Variants in NOS1AP observed in about 807,000 individuals in gnomAD.
NOS1AP encodes carboxyl-terminal PDZ ligand of neuronal nitric oxide synthase protein.
In NOS1AP, 21 loss-of-function variants were observed where a neutral mutation model predicts 56.2. The ratio of observed to expected loss-of-function variants is 0.37; its 90% CI spans 0.26 to 0.54. The LOEUF (loss-of-function observed/expected upper bound fraction) is 0.54, where lower values mean the gene tolerates loss of function less well. Ranked by LOEUF, NOS1AP falls within the 20% of genes least tolerant of loss-of-function variation. NOS1AP has a pLI of 0.84. For missense variants in NOS1AP, 522 were observed against 657.8 expected (o/e 0.79, Z 2.26); for synonymous variants, 270 against 274.6 (o/e 0.98, Z 0.17).
At chr1:162,118,289 G>A (rs917880121) in intron 1 of NOS1AP, among the ~76,000 whole-genome samples, 3 of 152,096 alleles carry the variant, frequency 2.0e-5, no homozygotes, top group Non-Finnish European at 2.9e-5. Flanking sequence ...AGTGTCTGTC[G>A]TTCCCATATG....
At chr1:162,366,963 G>A (rs547666215) in intron 9 of NOS1AP, 89 bp from the exon 10 acceptor site, 30 of 1,497,070 alleles carry the variant, frequency 2.0e-5, no homozygotes, top group Non-Finnish European at 2.7e-5. Flanking sequence ...GAAGGGCTTT[G>A]GCAGGGCACG....
chr1:162,282,404 G>A (rs763668566), intron 2 of NOS1AP, among the ~76,000 whole-genome samples: 1 of 152,196 alleles, frequency 6.6e-6, no homozygotes, highest in Non-Finnish European at 1.5e-5. Flanking sequence ...TTTTAAGGCT[G>A]AATAATATTA....
At chr1:162,288,549 G>A (rs1017336431) in intron 3 of NOS1AP, among the ~76,000 whole-genome samples, 1 of 152,140 alleles carries the variant, frequency 6.6e-6, no homozygotes, top group Non-Finnish European at 1.5e-5. Flanking sequence ...TATAATGTCC[G>A]TACAAGGGGC....
In NOS1AP at chr1:162,369,139, A is replaced by G. The variant is rs564355186; in HGVS notation, c.*1672A>G. 4 of 152,344 alleles carry G rather than the reference A, an allele frequency of 2.6e-5. No homozygotes were observed. The highest frequency in any genetic ancestry group is 2.1e-4 in the South Asian group (1 of 4,830). 9.4% of individuals were successfully genotyped at this position (152,344 alleles called of 1,614,324 possible). On this transcript the variant is annotated 3_prime_UTR_variant, in exon 10 of 10. Transcript: ENST00000361897. ...TACATGTGTGAGGGAAAGTGTGTACATATATGTAGGATTGTAACCAGACGG... is the reference window on the plus strand; with the variant it reads ...TACATGTGTGAGGGAAAGTGTGTACGTATATGTAGGATTGTAACCAGACGG...
At chr1:162,085,115 T>C (rs1232054797) in intron 1 of NOS1AP, among the ~76,000 whole-genome samples, 1 of 152,100 alleles carries the variant, frequency 6.6e-6, no homozygotes, top group East Asian at 1.9e-4. Flanking sequence ...TATTGGTGTT[T>C]CCAGGTCTCC....
chr1:162,240,006 TC>T (rs1653434321), intron 2 of NOS1AP, among the ~76,000 whole-genome samples: 1 of 152,194 alleles, frequency 6.6e-6, no homozygotes, highest in African/African-American at 2.4e-5. Flanking sequence ...CCTCCAGGCT[TC>T]CCAGTGCCTG....
At chr1:162,144,375 T>G (rs1342681978) in intron 1 of NOS1AP, among the ~76,000 whole-genome samples, 1 of 152,234 alleles carries the variant, frequency 6.6e-6, no homozygotes, top group East Asian at 1.9e-4. Context: ...TGATTTTCCC[T>G]TCTATAAAGT....
At chr1:162,093,498 A>G (rs1692176508) in intron 1 of NOS1AP, among the ~76,000 whole-genome samples, 1 of 152,144 alleles carries the variant, frequency 6.6e-6, no homozygotes, top group East Asian at 1.9e-4. Flanking sequence ...TGTGTTAGAT[A>G]TTTTGTCTCT....
At chr1:162,081,149 A>T (rs978292350) in intron 1 of NOS1AP, among the ~76,000 whole-genome samples, 1 of 152,158 alleles carries the variant, frequency 6.6e-6, no homozygotes, top group African/African-American at 2.4e-5. Flanking sequence ...AACTAATTTA[A>T]TCTTTACAGT....
At chr1:162,353,545 A>G (rs1157304718) in intron 6 of NOS1AP, among the ~76,000 whole-genome samples, 1 of 152,212 alleles carries the variant, frequency 6.6e-6, no homozygotes, top group African/African-American at 2.4e-5. Flanking sequence ...CTGTCACTAC[A>G]TTACTTACTT....
chr1:162,258,244 C>T (rs1223350712), intron 2 of NOS1AP, among the ~76,000 whole-genome samples: 1 of 152,182 alleles, frequency 6.6e-6, no homozygotes, highest in Non-Finnish European at 1.5e-5. Context: ...AATTATTGGA[C>T]ATCCATCTTT....
intron 2 of NOS1AP, among the ~76,000 whole-genome samples, chr1:162,171,097 G>A (rs1294748196): frequency 3.9e-5 from 6 of 152,322 alleles, no homozygotes; most frequent in South Asian, 2.1e-4. Context: ...CACAGGGGCT[G>A]TTGGTCACTG....
chr1:162,080,031 T>G (rs1377908064), intron 1 of NOS1AP, among the ~76,000 whole-genome samples: 1 of 152,196 alleles, frequency 6.6e-6, no homozygotes, highest in East Asian at 1.9e-4. Flanking sequence ...CACAGAATCT[T>G]AAGTACGGTA....
chr1:162,135,938 G>A lies in NOS1AP; in HGVS notation c.106-18467G>A, dbSNP rs79434488. Among the ~76,000 whole-genome samples, 597 of 152,300 alleles carry A rather than the reference G, an allele frequency of 3.9e-3. 4 individuals carry two copies. The highest frequency in any genetic ancestry group is 0.013 in the African/African-American group (560 of 41,568). On this transcript the variant is annotated intron_variant, in intron 1 of 9. Transcript: ENST00000361897. ...ATTTTTTATTGACTTTCCTGTGTAT[G>A]TACAACTGTTGTCTAGTGTTGTAGA...
intron 2 of NOS1AP, among the ~76,000 whole-genome samples, chr1:162,206,364 G>C (rs910419178): frequency 3.3e-5 from 5 of 152,186 alleles, no homozygotes; most frequent in African/African-American, 1.2e-4. Context: ...CTATAATCTA[G>C]TTCAGGAGTT....
intron 1 of NOS1AP, among the ~76,000 whole-genome samples, chr1:162,079,126 C>A (rs1483674862): frequency 6.6e-6 from 1 of 152,204 alleles, no homozygotes; most frequent in Non-Finnish European, 1.5e-5. Context: ...CTAGTAACTT[C>A]CGGTTCCCAG....
At chr1:162,255,225 G>C (rs1192613234) in intron 2 of NOS1AP, among the ~76,000 whole-genome samples, 1 of 152,138 alleles carries the variant, frequency 6.6e-6, no homozygotes, top group Admixed American at 6.5e-5. Context: ...GTGGCTCCTA[G>C]AGTTTGTTTT....
intron 1 of NOS1AP, among the ~76,000 whole-genome samples, chr1:162,098,664 C>T (rs1558097446): frequency 6.6e-6 from 1 of 152,088 alleles, no homozygotes. Context: ...TGCTCTTTCT[C>T]CCCCCAACTC....
intron 3 of NOS1AP, among the ~76,000 whole-genome samples, chr1:162,300,419 C>A (rs1459961324): frequency 6.6e-6 from 1 of 152,166 alleles, no homozygotes; most frequent in Non-Finnish European, 1.5e-5. Flanking sequence ...ACCCTCTGAG[C>A]CCTGGAGAGG....
Sources: gnomAD v4.1 joint callset for allele counts (sites outside exome capture counted in the v4.1 genomes callset) on GRCh38, gnomAD v4.1.1 for gene constraint, MANE v1.5 for transcripts, NCBI Gene and HGNC (gene_info 2026-07-23, HGNC 2026-07-21) for gene names.